Variants in PCNX4 observed in about 807,000 individuals in gnomAD.
PCNX4 encodes pecanex-like protein 4.
In PCNX4, 103 loss-of-function variants were observed where a neutral mutation model predicts 107.2. The observed-to-expected ratio is 0.96, with a 90% CI of 0.82 to 1.13. The LOEUF (loss-of-function observed/expected upper bound fraction) is 1.13. Ranked by LOEUF, PCNX4 falls within the 50% of genes most tolerant of loss-of-function variation. PCNX4 has a pLI of 0.00. For synonymous variants in PCNX4, 541 were observed against 481.7 expected (o/e 1.12, Z -1.61); for missense variants, 1,528 against 1,379.4 (o/e 1.11, Z -1.71).
rs905298040 is a variant in PCNX4 at position 60,138,273 on chromosome 14, C to G, written c.*4052C>G. The G allele has an allele frequency of 6.6e-6, 1 of 151,982 alleles. No individual in the cohort carries two copies. The highest frequency in any genetic ancestry group is 1.9e-4 in the East Asian group (1 of 5,186). 9.4% of individuals were successfully genotyped at this position (151,982 alleles called of 1,614,324 possible). A position where few individuals can be genotyped will look rare whatever the true frequency, so the allele number is the denominator to read the frequency against. ...AGACATAGAGTTAACTTGAGAAGAT[C>G]TAACATACACGTAACTGGATTTCCA... is the stretch of plus-strand genomic sequence containing the variant. On this transcript the variant is annotated 3_prime_UTR_variant, in exon 11 of 11. Transcript: ENST00000406854.
chr14:60,099,678 G>T (rs771211252), intron 1 of PCNX4, among the ~76,000 whole-genome samples: 1 of 152,188 alleles, frequency 6.6e-6, no homozygotes, highest in African/African-American at 2.4e-5. Flanking sequence ...TTCATAGAAG[G>T]AAGAGTAACA....
At chr14:60,124,157 A>C in intron 8 of PCNX4, 61 bp from the exon 9 acceptor site, 3 of 1,279,604 alleles carry the variant, frequency 2.3e-6, no homozygotes, top group Non-Finnish European at 3.1e-6. Flanking sequence ...TTACATGACT[A>C]GTTGCTGTAT....
intron 1 of PCNX4, among the ~76,000 whole-genome samples, chr14:60,095,559 G>A (rs530200798): frequency 6.6e-4 from 101 of 152,222 alleles, no homozygotes; most frequent in African/African-American, 2.4e-3. Context: ...TCTTCCCTTT[G>A]GCTAAATGAG....
rs1447004351 is a variant in PCNX4 at position 60,142,148 on chromosome 14, T to C, written c.*7927T>C. 6.6e-6 allele frequency: 1 copy of C among 152,222 alleles called. No individual in the cohort carries two copies. The highest frequency in any genetic ancestry group is 1.5e-5 in the Non-Finnish European group (1 of 68,036). 9.4% of individuals were successfully genotyped at this position (152,222 alleles called of 1,614,324 possible). On this transcript the variant is annotated 3_prime_UTR_variant, in exon 11 of 11. Transcript: ENST00000406854. The surrounding 1 kb of genome is among the most constrained non-coding windows in gnomAD (Gnocchi z 4.7). Reference sequence around the variant, plus strand: ...AAGGGAAACTTCTGGGGCTGATATATGTGTTTACTCTCTTGATTGTGGTTA... The same window carrying C: ...AAGGGAAACTTCTGGGGCTGATATACGTGTTTACTCTCTTGATTGTGGTTA...
intron 8 of PCNX4, among the ~76,000 whole-genome samples, chr14:60,123,062 T>A (rs975821409): frequency 6.6e-5 from 10 of 152,150 alleles, no homozygotes; most frequent in African/African-American, 2.4e-4. Flanking sequence ...CTGACTCACC[T>A]ACAGATTGAG....
chr14:60,115,523 A>G, intron 4 of PCNX4, 62 bp downstream of exon 4: 7 of 1,472,492 alleles, frequency 4.8e-6, no homozygotes, highest in Middle Eastern at 1.8e-4. Flanking sequence ...ATTCAAAAAT[A>G]TTACTCAATT....
chr14:60,103,537 TCAC>T (rs1475178867), intron 1 of PCNX4, among the ~76,000 whole-genome samples: 1 of 152,222 alleles, frequency 6.6e-6, no homozygotes, highest in Non-Finnish European at 1.5e-5. Context: ...TTAAAATAAA[TCAC>T]CATATCAGTG....
rs1203263597 is a variant in PCNX4 at position 60,138,045 on chromosome 14, C to G, written c.*3824C>G. The stretch of plus-strand genomic sequence containing the variant: ...GGCAGAGGTTTCAGTGAGCCAAGAT[C>G]ATGCCACTGCACTCCAGCCTGGGCG... On this transcript the variant is annotated 3_prime_UTR_variant, in exon 11 of 11. Coordinates refer to ENST00000406854, the MANE Select transcript of PCNX4 (RefSeq NM_001330177.2). 1.3e-5 allele frequency: 2 copies of G among 149,958 alleles called. No homozygotes were observed. The highest frequency in any genetic ancestry group is 2.5e-5 in the African/African-American group (1 of 40,524). 9.3% of individuals were successfully genotyped at this position (149,958 alleles called of 1,614,324 possible). A position where few individuals can be genotyped will look rare whatever the true frequency, so the allele number is the denominator to read the frequency against.
At chr14:60,099,013 A>G (rs1895481612) in intron 1 of PCNX4, among the ~76,000 whole-genome samples, 1 of 152,066 alleles carries the variant, frequency 6.6e-6, no homozygotes, top group Non-Finnish European at 1.5e-5. Context: ...TTCGGTTAAG[A>G]TTCCATAGAG....
At position 60,136,249 on chromosome 14, in the gene PCNX4, TTTC is replaced by T. The variant is rs1431019335; in HGVS notation, c.*2034_*2036del. On this transcript the variant is annotated 3_prime_UTR_variant, in exon 11 of 11. Coordinates refer to ENST00000406854, the MANE Select transcript of PCNX4 (RefSeq NM_001330177.2). The stretch of plus-strand genomic sequence containing the variant: ...TTTCCTGACACTACATTATCTTTGT[TTTC>T]TTCTTATCTTCCTAGCAACTCCTCA... 4 of 152,204 alleles carry T rather than the reference TTTC, an allele frequency of 2.6e-5. No homozygotes were observed. The highest frequency in any genetic ancestry group is 5.9e-5 in the Non-Finnish European group (4 of 68,038). 9.4% of individuals were successfully genotyped at this position (152,204 alleles called of 1,614,324 possible).
At chr14:60,103,544 A>G (rs560121979) in intron 1 of PCNX4, among the ~76,000 whole-genome samples, 1 of 152,318 alleles carries the variant, frequency 6.6e-6, no homozygotes, top group African/African-American at 2.4e-5. Flanking sequence ...AAATCACCAT[A>G]TCAGTGTTCT....
rs201596952 is a variant in PCNX4, at chr14:60,100,231, CAAAA to C, written c.-53-7348_-53-7345del. Among the ~76,000 whole-genome samples the C allele has an allele frequency of 2.1e-4, 31 of 148,000 alleles. 1 individual carries two copies. Among genetic ancestry groups the C allele is most frequent in the Non-Finnish European group, 3.0e-5 (2 of 66,670 alleles). ...TAGGCAAAGGACATGAGCCAATTTA[CAAAA>C]AAAAAATACCATTTTTCTGCACACA... On this transcript the variant is annotated intron_variant, in intron 1 of 10. Coordinates refer to ENST00000406854, the MANE Select transcript of PCNX4 (RefSeq NM_001330177.2).
At chr14:60,121,091 A>T in intron 7 of PCNX4, 105 bp from the exon 8 acceptor site, 1 of 1,366,826 alleles carries the variant, frequency 7.3e-7, no homozygotes, top group South Asian at 1.6e-5. Context: ...GGAGTCGTGA[A>T]TCAGTTCTAG....
At chr14:60,110,092 A>T (rs922405236) in intron 2 of PCNX4, 1 of 167,124 alleles carries the variant, frequency 6.0e-6, no homozygotes, top group African/African-American at 2.4e-5. Flanking sequence ...TATTCTGAAG[A>T]GAACACCAAA....
At chr14:60,121,411 C>T in intron 8 of PCNX4, 112 bp downstream of exon 8, 1 of 1,119,938 alleles carries the variant, frequency 8.9e-7, no homozygotes, top group South Asian at 1.6e-5. Flanking sequence ...TTTCAATTAC[C>T]TGTGAAAACA....
rs201458384 is a variant in PCNX4, at chr14:60,115,758, G to C, written c.1397G>C (p.Ser466Thr). ...ATGATAGCATTTCTTTCATTGGACA[G>C]TTCCTTACAAGGGCTCCACTCAGTG... The part of the protein sequence containing the change: ...FAMIAFLSLD[S>T]SLQGLHSVSV... The change falls in exon 5 of 11, where the codon AGT becomes ACT. Residue 466 changes from serine to threonine, a missense_variant. By Grantham distance (58) the Ser-to-Thr change is moderately conservative. Coordinates refer to ENST00000406854, the MANE Select transcript of PCNX4 (RefSeq NM_001330177.2). The C allele has an allele frequency of 7.6e-5, 122 of 1,613,334 alleles. No individual in the cohort carries two copies. The highest frequency in any genetic ancestry group is 2.0e-4 in the South Asian group (18 of 91,052).
chr14:60,095,616 T>G (rs1003160708), intron 1 of PCNX4, among the ~76,000 whole-genome samples: 4 of 152,156 alleles, frequency 2.6e-5, no homozygotes, highest in African/African-American at 9.7e-5. Flanking sequence ...CCTTCTTTTT[T>G]CTGTAAAATC....
Position 60,142,570 on chromosome 14 carries a change from A to G in PCNX4, c.*8349A>G, listed in dbSNP as rs555690663. 1 of 152,224 alleles carries G rather than the reference A, an allele frequency of 6.6e-6. No individual in the cohort carries two copies. Among genetic ancestry groups the G allele is most frequent in the Non-Finnish European group, 1.5e-5 (1 of 68,030 alleles). 9.4% of individuals were successfully genotyped at this position (152,224 alleles called of 1,614,324 possible). ...TTAAATGTGAACATTTGGCTTTCAC[A>G]GCTCTTGACTGTCTTTGGCGAACCT... On this transcript the variant is annotated 3_prime_UTR_variant, in exon 11 of 11. Transcript: ENST00000406854. This position sits in a 1 kb window ranked among gnomAD's most constrained non-coding sequence, Gnocchi z 4.7.
In PCNX4 at chr14:60,134,433, G is replaced by T; in HGVS notation, c.*212G>T. The T allele has an allele frequency of 1.8e-6, 1 of 550,546 alleles. No homozygotes were observed. Among genetic ancestry groups the T allele is most frequent in the Admixed American group, 3.5e-5 (1 of 28,642 alleles). 34.1% of individuals were successfully genotyped at this position (550,546 alleles called of 1,614,324 possible). A position where few individuals can be genotyped will look rare whatever the true frequency, so the allele number is the denominator to read the frequency against. ...TATGTCTAAGATAAAAGAACTATTTGGCCAATATTTGTGCCCTCTGGACTT... is the reference window on the plus strand; with the variant it reads ...TATGTCTAAGATAAAAGAACTATTTTGCCAATATTTGTGCCCTCTGGACTT... On this transcript the variant is annotated 3_prime_UTR_variant, in exon 11 of 11. Coordinates refer to ENST00000406854, the MANE Select transcript of PCNX4 (RefSeq NM_001330177.2).
Sources: gnomAD v4.1 joint callset for allele counts (sites outside exome capture counted in the v4.1 genomes callset) on GRCh38, gnomAD v4.1.1 for gene constraint, Gnocchi (gnomAD v3.1) non-coding constraint, MANE v1.5 for transcripts, NCBI Gene and HGNC (gene_info 2026-07-23, HGNC 2026-07-21) for gene names.